The following RAB37 variants were observed in gnomAD, a reference collection of about 807,000 sequenced individuals.
The protein encoded by RAB37 is RAB37, member RAS oncogene family.
In RAB37, 29 loss-of-function variants were observed where a neutral mutation model predicts 33.1. That is an observed-to-expected ratio of 0.88 (90% CI 0.65 to 1.20). The LOEUF is 1.20. RAB37 is among the 50% of genes most tolerant of loss of function. The pLI is 0.00. For missense variants in RAB37, 299 were observed against 301.1 expected (o/e 0.99, Z 0.05); for synonymous variants, 128 against 119.5 (o/e 1.07, Z -0.47).
intron 1 of RAB37, among the ~76,000 whole-genome samples, chr17:74,700,194 A>AAAAT (rs779862060): frequency 2.2e-4 from 33 of 151,850 alleles, no homozygotes; most frequent in Non-Finnish European, 4.4e-4. Context: ...CAATCAAAAT[A>AAAAT]AAATAAATAA....
chr17:74,737,154 A>C, upstream of RAB37: 1 of 1,325,846 alleles, frequency 7.5e-7, no homozygotes, highest in East Asian at 4.3e-5. Context: ...GACGGGACGG[A>C]GGGAGGAGCC....
At chr17:74,678,037 G>T (rs1465899042) in intron 1 of RAB37, among the ~76,000 whole-genome samples, 2 of 152,186 alleles carry the variant, frequency 1.3e-5, no homozygotes, top group African/African-American at 4.8e-5. Context: ...AACAGCCAGA[G>T]GTGAGCACCA....
At position 74,745,387 on chromosome 17, in the gene RAB37, C is replaced by T; in HGVS notation, c.648C>T (p.Arg216=). ...IRDYVESQKK[R]SSCCSFM is the part of the protein sequence containing the mutation. ...ACTATGTAGAGTCCCAGAAGAAGCG[C>T]TCCAGCTGCTGCTCCTTCATGTGAA... Residue 216 remains arginine (R), a synonymous_variant, in exon 9 of 9, where the codon CGC becomes CGT. Coordinates refer to ENST00000392613, the MANE Select transcript of RAB37 (RefSeq NM_001006638.3). This position sits in a 1 kb window ranked among gnomAD's most constrained non-coding sequence, Gnocchi z 4.5. 6.2e-7 allele frequency: 1 copy of T among 1,614,074 alleles called. No homozygotes were observed. Among genetic ancestry groups the T allele is most frequent in the Non-Finnish European group, 8.5e-7 (1 of 1,179,958 alleles).
At position 74,730,311 on chromosome 17, in the gene RAB37, C is replaced by T. The variant is rs561393021; in HGVS notation, c.183+945C>T. Among the ~76,000 whole-genome samples, 1 of 152,314 alleles carries T rather than the reference C, an allele frequency of 6.6e-6. No homozygotes were observed. Among genetic ancestry groups the T allele is most frequent in the South Asian group, 2.1e-4 (1 of 4,828 alleles). On this transcript the variant is annotated intron_variant, in intron 2 of 7. Coordinates refer to the RAB37 transcript ENST00000340415. The surrounding 1 kb of genome is among the most constrained non-coding windows in gnomAD (Gnocchi z 4.4). ...AGCACAGGGCCTGTGAGATCACGCT[C>T]AGGGTCAGGACGCAGCAGTGCCACA... is the stretch of plus-strand genomic sequence containing the variant.
intron 1 of RAB37, among the ~76,000 whole-genome samples, chr17:74,683,894 G>T (rs890733476): frequency 7.9e-5 from 12 of 152,164 alleles, no homozygotes; most frequent in Non-Finnish European, 1.3e-4. Context: ...AGGGTCACGG[G>T]CAGCAGGAAG....
intron 1 of RAB37, among the ~76,000 whole-genome samples, chr17:74,682,180 C>T (rs1007817166): frequency 3.9e-5 from 6 of 152,164 alleles, no homozygotes; most frequent in African/African-American, 7.2e-5. Flanking sequence ...TCAGGACTCT[C>T]GATTTCCAGT....
intron 1 of RAB37, among the ~76,000 whole-genome samples, chr17:74,675,965 A>G (rs1269634895): frequency 1.3e-5 from 2 of 152,060 alleles, no homozygotes; most frequent in Non-Finnish European, 2.9e-5. Flanking sequence ...TGGTGCAGCT[A>G]AATAATTTAA....
chr17:74,684,758 C>T (rs1455711166), intron 1 of RAB37, among the ~76,000 whole-genome samples: 3 of 151,776 alleles, frequency 2.0e-5, no homozygotes, highest in Non-Finnish European at 4.4e-5. Flanking sequence ...CCACTGCACT[C>T]GAGCCTGGGT....
rs377449805 is a variant in RAB37, at chr17:74,745,115, G to A, written c.566+31G>A. On this transcript the variant is annotated intron_variant, in intron 8 of 8. Coordinates refer to ENST00000392613, the MANE Select transcript of RAB37 (RefSeq NM_001006638.3). The surrounding 1 kb of genome is among the most constrained non-coding windows in gnomAD (Gnocchi z 4.5). ...AGCTGGGCAGGGAAGGGAAGTGTGC[G>A]GGGCAGGGCGGCACACTCCAGGAAT... is the stretch of plus-strand genomic sequence containing the variant. 2.4e-5 allele frequency: 39 copies of A among 1,608,024 alleles called. No individual in the cohort carries two copies. The highest frequency in any genetic ancestry group is 4.0e-5 in the African/African-American group (3 of 74,852).
chr17:74,700,476 T>G (rs2032947170), intron 1 of RAB37, among the ~76,000 whole-genome samples: 1 of 151,968 alleles, frequency 6.6e-6, no homozygotes, highest in South Asian at 2.1e-4. Context: ...CGCGGTGGCT[T>G]ACACCTGTAA....
chr17:74,734,437 C>G (rs549464247), upstream of RAB37, among the ~76,000 whole-genome samples: 45 of 152,328 alleles, frequency 3.0e-4, no homozygotes, highest in African/African-American at 1.1e-3. Context: ...CTCAACCTGT[C>G]TTTGGGGGAC....
intron 1 of RAB37, among the ~76,000 whole-genome samples, chr17:74,709,817 C>T (rs768684133): frequency 1.3e-5 from 2 of 152,156 alleles, no homozygotes; most frequent in Non-Finnish European, 2.9e-5. Flanking sequence ...AACCGATCTG[C>T]CTGCCTTAGC....
chr17:74,716,876 G>A (rs1324871916), intron 1 of RAB37, among the ~76,000 whole-genome samples: 1 of 152,256 alleles, frequency 6.6e-6, no homozygotes, highest in African/African-American at 2.4e-5. Context: ...GCTCACGCCT[G>A]TAATCCCAGC....
rs951347274 is a variant in RAB37, at chr17:74,745,364, T to C, written c.625T>C (p.Tyr209His). The C allele has an allele frequency of 5.6e-6, 9 of 1,614,010 alleles. No individual in the cohort carries two copies. The African/African-American group carries it at 1.1e-4, about 19-fold the overall frequency. ...TGAGCCCAGCTTCCAGATCCGAGACTATGTAGAGTCCCAGAAGAAGCGCTC... is the reference window on the plus strand; with the variant it reads ...TGAGCCCAGCTTCCAGATCCGAGACCATGTAGAGTCCCAGAAGAAGCGCTC... ...ADEPSFQIRD[Y>H]VESQKKRSSC... The change falls in exon 9 of 9, where the codon TAT becomes CAT. Residue 209 changes from tyrosine to histidine, a missense_variant. Physicochemically the swap from Tyr to His is moderately conservative, Grantham distance 83. Transcript: ENST00000392613. This position sits in a 1 kb window ranked among gnomAD's most constrained non-coding sequence, Gnocchi z 4.5.
chr17:74,728,860 GC>G (rs1272963369), intron 1 of RAB37, among the ~76,000 whole-genome samples: 1 of 151,416 alleles, frequency 6.6e-6, no homozygotes, highest in Non-Finnish European at 1.5e-5. Context: ...ATGTTTCTGT[GC>G]CATGTGTGTT....
At chr17:74,700,479 A>G (rs781362819) in intron 1 of RAB37, among the ~76,000 whole-genome samples, 77 of 152,076 alleles carry the variant, frequency 5.1e-4, no homozygotes, top group Non-Finnish European at 9.9e-4. Context: ...GGTGGCTTAC[A>G]CCTGTAATCC....
chr17:74,707,662 C>T (rs1256065541), intron 1 of RAB37, among the ~76,000 whole-genome samples: 1 of 151,356 alleles, frequency 6.6e-6, no homozygotes, highest in Non-Finnish European at 1.5e-5. Context: ...TTGCAGTGAG[C>T]CAAGATCGTG....
At chr17:74,704,749 G>A (rs61754887) in intron 1 of RAB37, 165 of 1,614,112 alleles carry the variant, frequency 1.0e-4, no homozygotes, top group Non-Finnish European at 1.3e-4. Flanking sequence ...CACACTGCAC[G>A]GTCAAGGAGC....
chr17:74,682,605 C>G (rs2031976688), intron 1 of RAB37, among the ~76,000 whole-genome samples: 1 of 152,180 alleles, frequency 6.6e-6, no homozygotes. Context: ...CCCTGTAGAT[C>G]AAGAGTGGAA....
Sources: gnomAD v4.1 joint callset for allele counts (sites outside exome capture counted in the v4.1 genomes callset) on GRCh38, gnomAD v4.1.1 for gene constraint, Gnocchi (gnomAD v3.1) non-coding constraint, MANE v1.5 for transcripts, NCBI Gene and HGNC (gene_info 2026-07-23, HGNC 2026-07-21) for gene names.